The following ZNF608 variants were observed in gnomAD, a reference collection of about 807,000 sequenced individuals.
The protein encoded by ZNF608 is renal carcinoma antigen NY-REN-36.
ZNF608 carries 12 observed loss-of-function variants against 109.0 expected under a neutral mutation model. That is an observed-to-expected ratio of 0.11 (90% CI 0.07 to 0.18). The LOEUF (loss-of-function observed/expected upper bound fraction) is 0.18. Ranked by LOEUF, ZNF608 falls within the 10% of genes least tolerant of loss-of-function variation. ZNF608 has a pLI of 1.00. For missense variants in ZNF608, 1,707 were observed against 1,879.3 expected (o/e 0.91, Z 1.70); for synonymous variants, 732 against 717.4 (o/e 1.02, Z -0.33).
chr5:124,715,133 G>T (rs1199698090), intron 2 of ZNF608, among the ~76,000 whole-genome samples: 1 of 152,116 alleles, frequency 6.6e-6, no homozygotes, highest in African/African-American at 2.4e-5. Flanking sequence ...CTATTTTATA[G>T]GGGTACTTCA....
intron 3 of ZNF608, among the ~76,000 whole-genome samples, chr5:124,668,415 A>C (rs2149811120): frequency 6.6e-6 from 1 of 151,476 alleles, no homozygotes; most frequent in African/African-American, 2.4e-5. Flanking sequence ...AAATCACGTA[A>C]TTTTCAAGCA....
intron 3 of ZNF608, among the ~76,000 whole-genome samples, chr5:124,671,816 T>G (rs1310030865): frequency 6.6e-6 from 1 of 151,846 alleles, no homozygotes; most frequent in East Asian, 1.9e-4. Flanking sequence ...TTTAAATTTT[T>G]TGTAGAGATG....
chr5:124,707,972 G>A (rs554058387), intron 2 of ZNF608: 1 of 152,334 alleles, frequency 6.6e-6, no homozygotes, highest in East Asian at 1.9e-4. Context: ...GCAGCTTGCT[G>A]AGAAAACAAC....
intron 3 of ZNF608, among the ~76,000 whole-genome samples, chr5:124,679,954 T>C (rs1380244998): frequency 6.6e-6 from 1 of 152,208 alleles, no homozygotes; most frequent in Non-Finnish European, 1.5e-5. Context: ...AAAAACCAGC[T>C]TGGCGAACAG....
rs1750630008 is a variant in ZNF608 at position 124,648,349 on chromosome 5, T to C, written c.2035A>G (p.Met679Val). ...GAGCAACTGTCTAACGCAGCCGTCA[T>C]GTTGGAGATTACTGGAAGGTTGTTC... ...ELNNLPVISNMTAALDSCSAA... is the reference protein window; with the variant it reads ...ELNNLPVISNVTAALDSCSAA... Residue 679 changes from methionine (M) to valine (V), a missense_variant, in exon 5 of 10, where the codon ATG becomes GTG. Physicochemically the swap from Met to Val is conservative, Grantham distance 21 (BLOSUM62 1). Coordinates refer to ENST00000513986, the MANE Select transcript of ZNF608 (RefSeq NM_020747.3). 6.8e-6 allele frequency: 11 copies of C among 1,614,194 alleles called. No individual in the cohort carries two copies. Among genetic ancestry groups the C allele is most frequent in the Non-Finnish European group, 9.3e-6 (11 of 1,180,028 alleles).
At chr5:124,675,368 C>A (rs1267447791) in intron 3 of ZNF608, among the ~76,000 whole-genome samples, 2 of 152,218 alleles carry the variant, frequency 1.3e-5, no homozygotes, top group Non-Finnish European at 2.9e-5. Context: ...CTGGAGCCTT[C>A]CAACCTAACT....
chr5:124,743,964 A>G (rs1749530052), intron 2 of ZNF608, 120 bp downstream of exon 2: 4 of 1,408,612 alleles, frequency 2.8e-6, no homozygotes, highest in Non-Finnish European at 3.8e-6. Context: ...TGCATATCAT[A>G]GAAATCTCAC....
Position 124,643,512 on chromosome 5 carries a change from G to A in ZNF608, c.4295C>T (p.Ala1432Val). ...HANQYRSKSP[A>V]PVEKATAERE... The stretch of plus-strand genomic sequence containing the variant: ...AAATAACAACAAAAGGAGGCTTACA[G>A]CAGGAGACTTGCTGCGGTATTGGTT... Residue 1432 changes from alanine to valine, a missense_variant and splice_region_variant, in exon 7 of 10, where the codon GCT (alanine) becomes GTT (valine). Physicochemically the swap from Ala to Val is moderately conservative, Grantham distance 64. Around this residue, in one of 7 missense-constraint regions of ZNF608, gnomAD observed 1,073 missense variants for 1,133.5 expected, o/e 0.95. Transcript: ENST00000513986. 6.2e-7 allele frequency: 1 copy of A among 1,613,966 alleles called. No individual in the cohort carries two copies. Among genetic ancestry groups the A allele is most frequent in the Non-Finnish European group, 8.5e-7 (1 of 1,179,884 alleles).
intron 3 of ZNF608, among the ~76,000 whole-genome samples, chr5:124,690,954 C>CACACACACACACAA (rs10666145): frequency 0.013 from 1,976 of 150,802 alleles, 46 homozygotes; most frequent in African/African-American, 0.046. Context: ...CACACACACA[C>CACACACACACACAA]ATAATGGAAA....
rs749340158 is a variant in ZNF608 at position 124,644,620 on chromosome 5, G to A, written c.3747C>T (p.Pro1249=). 49 of 1,605,502 alleles carry A rather than the reference G, an allele frequency of 3.1e-5. No individual in the cohort carries two copies. Among genetic ancestry groups the A allele is most frequent in the Non-Finnish European group, 4.0e-5 (47 of 1,176,418 alleles). Residue 1249 remains proline, a synonymous_variant, in exon 6 of 10, where the codon CCC becomes CCT. Coordinates refer to ENST00000513986, the MANE Select transcript of ZNF608 (RefSeq NM_020747.3). ...SRTWHHYVYQ[P]KYLDQQKSEE... ...CTGACTTTTGCTGATCCAGATATTT[G>A]GGCTGGTATACATAATGATGCCATG...
intron 3 of ZNF608, among the ~76,000 whole-genome samples, chr5:124,691,808 G>A (rs142812330): frequency 0.012 from 1,766 of 152,084 alleles, 43 homozygotes; most frequent in African/African-American, 0.04. Context: ...AGCAACTGTC[G>A]GTGGGTAAAA....
chr5:124,656,607 C>T (rs1020797605), intron 3 of ZNF608, among the ~76,000 whole-genome samples: 2 of 151,974 alleles, frequency 1.3e-5, no homozygotes, highest in Non-Finnish European at 2.9e-5. Flanking sequence ...AAAAATGAAA[C>T]CTTAAGCAAT....
At chr5:124,730,808 C>CT (rs964169162) in intron 2 of ZNF608, among the ~76,000 whole-genome samples, 20 of 152,232 alleles carry the variant, frequency 1.3e-4, no homozygotes, top group African/African-American at 4.8e-4. Flanking sequence ...AAGCTCAGCA[C>CT]TTACTCTCCA....
intron 3 of ZNF608, among the ~76,000 whole-genome samples, chr5:124,664,954 T>C (rs1402220255): frequency 1.3e-5 from 2 of 151,970 alleles, no homozygotes; most frequent in Admixed American, 6.6e-5. Flanking sequence ...GGTGGATGGA[T>C]CACGAGGTCA....
In ZNF608 at chr5:124,649,606, A is replaced by G; in HGVS notation, c.1250+4T>C. The G allele has an allele frequency of 6.2e-7, 1 of 1,610,256 alleles. No individual in the cohort carries two copies. The highest frequency in any genetic ancestry group is 1.1e-5 in the South Asian group (1 of 90,552). ...AGGAGAGAAATAAAAGGCCCTGTTCATACCTGGGAGGGGCCCAGTCGTGCT... is the reference window on the plus strand; with the variant it reads ...AGGAGAGAAATAAAAGGCCCTGTTCGTACCTGGGAGGGGCCCAGTCGTGCT... On this transcript the variant is annotated splice_donor_region_variant and intron_variant, in intron 4 of 9. Transcript: ENST00000513986.
At chr5:124,683,743 T>C (rs765943623) in intron 3 of ZNF608, among the ~76,000 whole-genome samples, 1 of 152,230 alleles carries the variant, frequency 6.6e-6, no homozygotes, top group Non-Finnish European at 1.5e-5. Context: ...ATTTATGTGT[T>C]AACTCTCGTG....
Position 124,648,220 on chromosome 5 carries a change from T to A in ZNF608, c.2164A>T (p.Asn722Tyr). Residue 722 changes from asparagine (N) to tyrosine (Y), a missense_variant, in exon 5 of 10, where the codon AAC becomes TAC. Transcript: ENST00000513986. ...GDKEKGKKAT[N>Y]CKTDKNLSKL... ...GAGAGGTTTTTGTCCGTTTTGCAGT[T>A]GGTAGCTTTTTTGCCCTTTTCTTTA... 1 of 1,614,202 alleles carries A rather than the reference T, an allele frequency of 6.2e-7. No individual in the cohort carries two copies. The highest frequency in any genetic ancestry group is 8.5e-7 in the Non-Finnish European group (1 of 1,180,032).
Position 124,663,461 on chromosome 5 carries a change from C to T in ZNF608, c.1163-13764G>A, listed in dbSNP as rs991666423. Among the ~76,000 whole-genome samples, 7 of 152,132 alleles carry T rather than the reference C, an allele frequency of 4.6e-5. No individual in the cohort carries two copies. The East Asian group carries it at 7.7e-4, about 17-fold the overall frequency. ...AAACCTTGCTGTTCAAAGTGGTAAACGACAGGCTACAATGTGAATGCTTCA... is the reference window on the plus strand; with the variant it reads ...AAACCTTGCTGTTCAAAGTGGTAAATGACAGGCTACAATGTGAATGCTTCA... On this transcript the variant is annotated intron_variant, in intron 3 of 9. Coordinates refer to ENST00000513986, the MANE Select transcript of ZNF608 (RefSeq NM_020747.3).
intron 2 of ZNF608, among the ~76,000 whole-genome samples, chr5:124,715,734 CATT>C (rs779016034): frequency 6.6e-6 from 1 of 152,124 alleles, no homozygotes; most frequent in Non-Finnish European, 1.5e-5. Context: ...CAAATGTTAT[CATT>C]ATTTTTATTT....
Sources: gnomAD v4.1 joint callset for allele counts (sites outside exome capture counted in the v4.1 genomes callset) on GRCh38, gnomAD v4.1.1 for gene constraint, gnomAD v4.1.1 regional missense constraint, MANE v1.5 for transcripts, NCBI Gene and HGNC (gene_info 2026-07-23, HGNC 2026-07-21) for gene names.